Variants in SLC8A1 observed in about 807,000 individuals in gnomAD.
SLC8A1 encodes the protein solute carrier family 8 member A1.
Under a neutral mutation model 68.3 loss-of-function variants are expected in SLC8A1, and 18 were observed. That is an observed-to-expected ratio of 0.26 (90% CI 0.18 to 0.39). The LOEUF (loss-of-function observed/expected upper bound fraction) is 0.39, where lower values mean the gene tolerates loss of function less well. Among genes scored for constraint, SLC8A1 ranks in the 10% least tolerant of loss-of-function variants. The pLI, the probability that SLC8A1 is intolerant of heterozygous loss-of-function variation, is 1.00. For missense variants in SLC8A1, 985 were observed against 1,156.7 expected (o/e 0.85, Z 2.15); for synonymous variants, 475 against 415.5 (o/e 1.14, Z -1.74).
chr2:40,296,329 T>G (rs1478445621), intron 2 of SLC8A1, among the ~76,000 whole-genome samples: 1 of 152,192 alleles, frequency 6.6e-6, no homozygotes, highest in East Asian at 1.9e-4. Flanking sequence ...TCTGAGCAAC[T>G]TGAAGGTGCT....
At chr2:40,151,716 A>G (rs1352253854) in intron 6 of SLC8A1, among the ~76,000 whole-genome samples, 1 of 152,186 alleles carries the variant, frequency 6.6e-6, no homozygotes, top group African/African-American at 2.4e-5. Context: ...GAAACCATTG[A>G]ATTATATAGT....
intron 2 of SLC8A1, among the ~76,000 whole-genome samples, chr2:40,343,954 A>C (rs1379065827): frequency 6.6e-6 from 1 of 152,198 alleles, no homozygotes; most frequent in Non-Finnish European, 1.5e-5. Flanking sequence ...GTCAAACTAC[A>C]TGCCAGTACC....
chr2:40,254,946 C>T (rs999069129), intron 2 of SLC8A1: 2 of 152,046 alleles, frequency 1.3e-5, no homozygotes, highest in African/African-American at 4.8e-5. Flanking sequence ...TAGGATTGAG[C>T]CCTGTCACTG....
intron 1 of SLC8A1, among the ~76,000 whole-genome samples, chr2:40,465,748 A>G (rs1200377978): frequency 1.3e-5 from 2 of 152,160 alleles, no homozygotes; most frequent in East Asian, 1.9e-4. Context: ...AAGGAGTACT[A>G]TGGTCTGAAT....
intron 2 of SLC8A1, among the ~76,000 whole-genome samples, chr2:40,333,383 G>A (rs533797380): frequency 1.1e-4 from 16 of 149,532 alleles, no homozygotes; most frequent in Non-Finnish European, 1.8e-4. Flanking sequence ...GGTTGCAGTG[G>A]GCCGAGATCG....
chr2:40,163,727 C>A (rs994822273), intron 5 of SLC8A1, among the ~76,000 whole-genome samples: 1 of 152,174 alleles, frequency 6.6e-6, no homozygotes, highest in Non-Finnish European at 1.5e-5. Context: ...GAAGAGTTAA[C>A]AGACAGATTC....
At chr2:40,138,576 T>G (rs1179940109) in intron 7 of SLC8A1, among the ~76,000 whole-genome samples, 2 of 152,194 alleles carry the variant, frequency 1.3e-5, no homozygotes, top group Non-Finnish European at 2.9e-5. Flanking sequence ...CTCTGGTGTG[T>G]ACCAGAGTCA....
intron 2 of SLC8A1, among the ~76,000 whole-genome samples, chr2:40,313,466 A>G (rs918774737): frequency 4.6e-5 from 7 of 152,042 alleles, no homozygotes; most frequent in Admixed American, 1.3e-4. Context: ...TGTATGTTTA[A>G]CTTTTAAAAA....
chr2:40,453,139 C>A (rs949601709), upstream of SLC8A1: 6 of 152,330 alleles, frequency 3.9e-5, no homozygotes, highest in East Asian at 1.2e-3. Context: ...AGCTTCCAAA[C>A]CTGGCTGCGC....
intron 6 of SLC8A1, 120 bp from the exon 10 acceptor site, chr2:40,139,796 G>C: frequency 1.0e-6 from 1 of 993,308 alleles, no homozygotes. Context: ...GCCATGAGAG[G>C]TGGGTGAAGT....
At position 40,269,680 on chromosome 2, in the gene SLC8A1, A is replaced by T. The variant is rs191079448; in HGVS notation, c.1809-91825T>A. On this transcript the variant is annotated intron_variant, in intron 2 of 7. Transcript: ENST00000406785. The stretch of plus-strand genomic sequence containing the variant: ...AGGAGGAAGCCACTGATTGTAAGGG[A>T]GCATGAAGTGACCACACAGAGGTGG... Among the ~76,000 whole-genome samples, 10 of 152,294 alleles carry T rather than the reference A, an allele frequency of 6.6e-5. No individual in the cohort carries two copies. The East Asian group carries it at 1.9e-3, about 29-fold the overall frequency.
chr2:40,467,579 T>A (rs1022243272), intron 1 of SLC8A1, among the ~76,000 whole-genome samples: 1 of 152,196 alleles, frequency 6.6e-6, no homozygotes, highest in African/African-American at 2.4e-5. Context: ...TTTTTGTTCC[T>A]TTTAGAGACA....
chr2:40,264,448 C>T (rs1383624030), intron 2 of SLC8A1, among the ~76,000 whole-genome samples: 2 of 152,024 alleles, frequency 1.3e-5, no homozygotes, highest in Non-Finnish European at 2.9e-5. Flanking sequence ...TTGGAACCAA[C>T]CCAAATGTCC....
At chr2:40,397,095 GA>G in intron 2 of SLC8A1, among the ~76,000 whole-genome samples, 1 of 152,288 alleles carries the variant, frequency 6.6e-6, no homozygotes, top group Non-Finnish European at 1.5e-5. Flanking sequence ...TTATTGAACA[GA>G]AAAAAGGTGA....
intron 2 of SLC8A1, among the ~76,000 whole-genome samples, chr2:40,361,128 A>G (rs1674495300): frequency 6.6e-6 from 1 of 152,168 alleles, no homozygotes; most frequent in Non-Finnish European, 1.5e-5. Flanking sequence ...CCAACAGCAG[A>G]AACCATGGCA....
chr2:40,285,974 G>A (rs2068237910), intron 2 of SLC8A1, among the ~76,000 whole-genome samples: 1 of 152,098 alleles, frequency 6.6e-6, no homozygotes, highest in Non-Finnish European at 1.5e-5. Flanking sequence ...AAGTAGTATG[G>A]CAGAAAACTC....
At chr2:40,417,460 T>A (rs902263381) in intron 2 of SLC8A1, among the ~76,000 whole-genome samples, 2 of 152,076 alleles carry the variant, frequency 1.3e-5, no homozygotes, top group Admixed American at 6.6e-5. Context: ...AAAGCAAGTG[T>A]TAGGATTAGT....
chr2:40,257,392 A>C (rs2149078332), intron 2 of SLC8A1, among the ~76,000 whole-genome samples: 1 of 150,874 alleles, frequency 6.6e-6, no homozygotes, highest in East Asian at 1.9e-4. Flanking sequence ...TGAAAAAATC[A>C]ATGACGATTA....
chr2:40,236,200 T>G (rs2060345489), intron 2 of SLC8A1, among the ~76,000 whole-genome samples: 1 of 151,580 alleles, frequency 6.6e-6, no homozygotes, highest in Non-Finnish European at 1.5e-5. Flanking sequence ...GACAGTGGGG[T>G]GTTAAAGTCT....
Sources: gnomAD v4.1 joint callset for allele counts (sites outside exome capture counted in the v4.1 genomes callset) on GRCh38, gnomAD v4.1.1 for gene constraint, MANE v1.5 for transcripts, NCBI Gene and HGNC (gene_info 2026-07-23, HGNC 2026-07-21) for gene names.